SRGAP3: variants seen among roughly 807,000 people sequenced by gnomAD.
SRGAP3 encodes the protein SLIT-ROBO Rho GTPase-activating protein 3.
In SRGAP3, 39 loss-of-function variants were observed where a neutral mutation model predicts 121.1. The ratio of observed to expected loss-of-function variants is 0.32; its 90% CI spans 0.25 to 0.42. The LOEUF is 0.42. Among genes scored for constraint, SRGAP3 ranks in the 10% least tolerant of loss-of-function variants. The pLI is 1.00. For synonymous variants in SRGAP3, 601 were observed against 570.0 expected, an observed-to-expected ratio of 1.05 and a Z score of -0.77; for missense variants, 1,213 against 1,470.6, an observed-to-expected ratio of 0.82 and a Z score of 2.86.
intron 4 of SRGAP3, among the ~76,000 whole-genome samples, chr3:9,068,820 C>A (rs1174244258): frequency 6.6e-6 from 1 of 152,274 alleles, no homozygotes; most frequent in East Asian, 1.9e-4. Flanking sequence ...AGTAAAGGAG[C>A]ATTTCAATGA....
At position 8,980,949 on chromosome 3, in the gene SRGAP3, C is replaced by G. The variant is rs1188492306; in HGVS notation, c.*4570G>C. ...CCTGGGCAGAAACCCTAGCCAGGAT[C>G]TACTTCCGTCTAAGGAAGGAAAAGT... On this transcript the variant is annotated 3_prime_UTR_variant, in exon 22 of 22. Coordinates refer to ENST00000383836, the MANE Select transcript of SRGAP3 (RefSeq NM_014850.4). The G allele has an allele frequency of 4.3e-6, 1 of 233,488 alleles. No homozygotes were observed. Among genetic ancestry groups the G allele is most frequent in the African/African-American group, 2.2e-5 (1 of 45,474 alleles). 14.5% of individuals were successfully genotyped at this position (233,488 alleles called of 1,614,324 possible).
At position 9,150,372 on chromosome 3, in the gene SRGAP3, G is replaced by T. The variant is rs741522; in HGVS notation, c.68-25455C>A. The stretch of plus-strand genomic sequence containing the variant: ...GGAGAGGAAAAGGGAGCCTGGAGAG[G>T]CCAGCACCGAGAAGACCCAATCTTC... On this transcript the variant is annotated intron_variant, in intron 1 of 21. Transcript: ENST00000383836. Among the ~76,000 whole-genome samples, 704 of 152,088 alleles carry T rather than the reference G, an allele frequency of 4.6e-3. 14 individuals carry two copies. Among genetic ancestry groups the T allele is most frequent in the Admixed American group, 9.2e-3 (141 of 15,270 alleles).
chr3:9,037,847 T>G (rs1433261897), intron 11 of SRGAP3: 1 of 629,902 alleles, frequency 1.6e-6, no homozygotes, highest in African/African-American at 1.8e-5. Flanking sequence ...AAGCGCCCCT[T>G]CCATCGCCAG....
At chr3:9,147,969 A>G (rs1422715490) in intron 1 of SRGAP3, among the ~76,000 whole-genome samples, 1 of 152,194 alleles carries the variant, frequency 6.6e-6, no homozygotes, top group Non-Finnish European at 1.5e-5. Flanking sequence ...AAAAGGCATT[A>G]AGCCTCACCT....
At chr3:9,213,258 A>T (rs1190974687) in intron 1 of SRGAP3, among the ~76,000 whole-genome samples, 1 of 152,070 alleles carries the variant, frequency 6.6e-6, no homozygotes, top group Non-Finnish European at 1.5e-5. Context: ...GGCCTATAAA[A>T]ACCCTTCTCT....
Position 9,109,131 on chromosome 3 carries a change from T to C in SRGAP3, c.261-4289A>G, listed in dbSNP as rs1177028626. 6.6e-6 allele frequency among the ~76,000 whole-genome samples: 1 copy of C among 152,160 alleles called. No homozygotes were observed. The highest frequency in any genetic ancestry group is 1.5e-5 in the Non-Finnish European group (1 of 68,020). On this transcript the variant is annotated intron_variant, in intron 2 of 21. Coordinates refer to ENST00000383836, the MANE Select transcript of SRGAP3 (RefSeq NM_014850.4). The surrounding 1 kb of genome is among the most constrained non-coding windows in gnomAD (Gnocchi z 4.4). ...AAGGAGAGATGAGATAATTGAGCTG[T>C]TACCTAAATTACTTCAGGGGCTTAG...
intron 9 of SRGAP3, among the ~76,000 whole-genome samples, chr3:9,048,256 C>A (rs1236934171): frequency 6.6e-6 from 1 of 152,252 alleles, no homozygotes; most frequent in Non-Finnish European, 1.5e-5. Context: ...CACCTCTACA[C>A]AGGTGCCAGC....
Position 9,032,730 on chromosome 3 carries a change from G to A in SRGAP3, c.1459C>T (p.Pro487Ser). 3.7e-6 allele frequency: 6 copies of A among 1,612,906 alleles called. No homozygotes were observed. Among genetic ancestry groups the A allele is most frequent in the Non-Finnish European group, 4.2e-6 (5 of 1,179,508 alleles). Reference sequence around the variant, plus strand: ...GGCCTAGGTCTCCTCATTTTCTGTGGTTTAGGGGGAAGACAGGGGGGCCTA... The same window carrying A: ...GGCCTAGGTCTCCTCATTTTCTGTGATTTAGGGGGAAGACAGGGGGGCCTA... ...TTRPPCLPPKPQKMRRPRPLS... is the reference protein window; with the variant it reads ...TTRPPCLPPKSQKMRRPRPLS... Residue 487 changes from proline to serine, a missense_variant, in exon 12 of 22, where the codon CCA becomes TCA. Physicochemically the swap from Pro to Ser is moderately conservative, Grantham distance 74. Around this residue, in one of 2 missense-constraint regions of SRGAP3, gnomAD observed 793 missense variants for 1,032.9 expected, o/e 0.77. Coordinates refer to ENST00000383836, the MANE Select transcript of SRGAP3 (RefSeq NM_014850.4).
chr3:8,993,393 G>A (rs1942193108), intron 19 of SRGAP3, among the ~76,000 whole-genome samples: 1 of 152,200 alleles, frequency 6.6e-6, no homozygotes, highest in Admixed American at 6.5e-5. Flanking sequence ...TCCGCAGGCT[G>A]AGCACCGAGG....
chr3:9,042,123 G>C (rs1945044408), intron 10 of SRGAP3, among the ~76,000 whole-genome samples: 2 of 151,284 alleles, frequency 1.3e-5, no homozygotes, highest in Admixed American at 6.6e-5. Context: ...AAAAAAGAGA[G>C]AGAGAGAAAT....
intron 3 of SRGAP3, among the ~76,000 whole-genome samples, chr3:9,100,561 G>A (rs890583771): frequency 3.3e-5 from 5 of 152,110 alleles, no homozygotes; most frequent in Admixed American, 1.3e-4. Context: ...TAAGGACACC[G>A]ATCCCATTTG....
At chr3:9,052,114 T>C (rs987243698) in intron 9 of SRGAP3, among the ~76,000 whole-genome samples, 2 of 152,238 alleles carry the variant, frequency 1.3e-5, no homozygotes, top group Admixed American at 1.3e-4. Flanking sequence ...ACTAGGATAC[T>C]GAGGCTACTC....
chr3:9,327,895 C>G (rs563460672), intron 2 of SRGAP3, among the ~76,000 whole-genome samples: 1 of 152,288 alleles, frequency 6.6e-6, no homozygotes, highest in Non-Finnish European at 1.5e-5. Context: ...AGGAATTTAC[C>G]ATACAACATC....
chr3:8,984,356 T>C lies in SRGAP3; in HGVS notation c.*1163A>G, dbSNP rs1369844692. ...CAGCCACAGTGCATCACAGCCTGAT[T>C]TAAAATGAAAACGATGTGACTCAAA... On this transcript the variant is annotated 3_prime_UTR_variant, in exon 22 of 22. Coordinates refer to ENST00000383836, the MANE Select transcript of SRGAP3 (RefSeq NM_014850.4). 1.3e-5 allele frequency: 3 copies of C among 230,706 alleles called. No homozygotes were observed. The highest frequency in any genetic ancestry group is 5.7e-5 in the Admixed American group (1 of 17,690). 14.3% of individuals were successfully genotyped at this position (230,706 alleles called of 1,614,324 possible). A position where few individuals can be genotyped will look rare whatever the true frequency, so the allele number is the denominator to read the frequency against.
intron 3 of SRGAP3, chr3:9,292,454 A>G (rs963302611): frequency 2.4e-4 from 37 of 152,106 alleles, no homozygotes. Flanking sequence ...CACTTCCAAA[A>G]TAGTCACTTA....
At chr3:9,067,101 T>C (rs909336717) in intron 4 of SRGAP3, among the ~76,000 whole-genome samples, 2 of 152,066 alleles carry the variant, frequency 1.3e-5, no homozygotes, top group East Asian at 1.9e-4. Flanking sequence ...ACCTTCCACA[T>C]AGTAAGAGCC....
Position 9,172,700 on chromosome 3 carries a change from C to T in SRGAP3, c.68-47783G>A, listed in dbSNP as rs1170179566. On this transcript the variant is annotated intron_variant, in intron 1 of 21. Transcript: ENST00000383836. The stretch of plus-strand genomic sequence containing the variant: ...TTCTGGCCCCAGGAGCTGGGCCTCT[C>T]CTGGGCACTTGAAGGAAGAGCCACA... 3.3e-5 allele frequency among the ~76,000 whole-genome samples: 5 copies of T among 152,298 alleles called. No homozygotes were observed. The East Asian group carries it at 9.7e-4, about 29-fold the overall frequency.
At chr3:9,151,632 T>C (rs907456167) in intron 1 of SRGAP3, among the ~76,000 whole-genome samples, 7 of 152,222 alleles carry the variant, frequency 4.6e-5, no homozygotes, top group Admixed American at 2.6e-4. Context: ...ACTGGATAAC[T>C]GGCTGGATGG....
intron 1 of SRGAP3, among the ~76,000 whole-genome samples, chr3:9,224,875 G>A (rs1269284492): frequency 1.3e-5 from 2 of 152,128 alleles, no homozygotes; most frequent in African/African-American, 2.4e-5. Context: ...GGTCTAGGAT[G>A]GACAATTTCA....
Sources: gnomAD v4.1 joint callset for allele counts (sites outside exome capture counted in the v4.1 genomes callset) on GRCh38, gnomAD v4.1.1 for gene constraint, gnomAD v4.1.1 regional missense constraint, Gnocchi (gnomAD v3.1) non-coding constraint, MANE v1.5 for transcripts, NCBI Gene and HGNC (gene_info 2026-07-23, HGNC 2026-07-21) for gene names.